Variants in MEGF6 observed in about 807,000 individuals in gnomAD.
MEGF6 encodes the protein multiple epidermal growth factor-like domains protein 6.
Under a neutral mutation model 207.1 loss-of-function variants are expected in MEGF6, and 184 were observed. The ratio of observed to expected loss-of-function variants is 0.89; its 90% CI spans 0.79 to 1.00. The LOEUF is 1.00. MEGF6 is among the 50% of genes least tolerant of loss of function. The pLI, the probability that MEGF6 is intolerant of heterozygous loss-of-function variation, is 0.00. For missense variants in MEGF6, 2,282 were observed against 2,202.9 expected (o/e 1.04, Z -0.72); for synonymous variants, 1,038 against 910.0 (o/e 1.14, Z -2.53).
intron 4 of MEGF6, among the ~76,000 whole-genome samples, chr1:3,569,169 CA>C (rs1034660828): frequency 1.2e-4 from 19 of 152,238 alleles, no homozygotes; most frequent in Admixed American, 1.1e-3. Context: ...GCCGCCTGTT[CA>C]GGGGGGGAGA....
chr1:3,509,054 G>A (rs756930639), intron 12 of MEGF6, 21 bp downstream of exon 12: 21 of 1,525,438 alleles, frequency 1.4e-5, no homozygotes, highest in African/African-American at 5.6e-5. Context: ...AGGAGCCCCC[G>A]GGGGCTGGGC....
intron 3 of MEGF6, among the ~76,000 whole-genome samples, chr1:3,580,720 G>A (rs1030077279): frequency 6.2e-5 from 9 of 144,304 alleles, no homozygotes; most frequent in Non-Finnish European, 9.2e-5. Flanking sequence ...TACCCTGCAC[G>A]TTACTACTTG....
chr1:3,494,677 C>G lies in MEGF6; in HGVS notation c.3936G>C (p.Leu1312=). Residue 1312 remains leucine, a synonymous_variant, in exon 31 of 37, where the codon CTG becomes CTC. Transcript: ENST00000356575. ...AGCAGCTGCCGTTGCTGGCGTGGCA[C>G]AGGCCCCCATTTCTGCAGGAGCAGG... ...EHTCSCRNGG[L]CHASNGSCSC... is the part of the protein sequence containing the mutation. 1 of 1,572,480 alleles carries G rather than the reference C, an allele frequency of 6.4e-7. No homozygotes were observed. Among genetic ancestry groups the G allele is most frequent in the Non-Finnish European group, 8.6e-7 (1 of 1,160,176 alleles).
At chr1:3,614,679 C>T (rs1644363907), upstream of MEGF6, among the ~76,000 whole-genome samples, 1 of 152,222 alleles carries the variant, frequency 6.6e-6, no homozygotes, top group South Asian at 2.1e-4. Flanking sequence ...CCCTCCATTG[C>T]TTAGAAGTAA....
intron 4 of MEGF6, among the ~76,000 whole-genome samples, chr1:3,530,419 C>T (rs1272053286): frequency 6.6e-6 from 1 of 152,212 alleles, no homozygotes; most frequent in Non-Finnish European, 1.5e-5. Context: ...CCCACACTCC[C>T]TCCTCCAATT....
chr1:3,494,880 G>A (rs1569930000), intron 30 of MEGF6, 139 bp from the exon 31 acceptor site: 4 of 1,313,218 alleles, frequency 3.0e-6, no homozygotes, highest in East Asian at 5.2e-5. Context: ...TGCTGGGCGG[G>A]CACATGCCAG....
At chr1:3,537,229 C>T (rs539266482) in intron 4 of MEGF6, among the ~76,000 whole-genome samples, 7 of 152,368 alleles carry the variant, frequency 4.6e-5, no homozygotes, top group Non-Finnish European at 8.8e-5. Flanking sequence ...ACCTCCTCAG[C>T]GGGCAATCTC....
chr1:3,497,136 A>T lies in MEGF6; in HGVS notation c.3482-17T>A, dbSNP rs149022131. The T allele has an allele frequency of 1.8e-3, 2,886 of 1,568,278 alleles. 54 individuals carry two copies. In the African/African-American group the frequency reaches 0.036, roughly 19 times the overall value. On this transcript the variant is annotated splice_polypyrimidine_tract_variant and intron_variant, in intron 27 of 36. Coordinates refer to ENST00000356575, the MANE Select transcript of MEGF6 (RefSeq NM_001409.4). Reference sequence around the variant, plus strand: ...GTGGGCAGGCTGGGTGGAGACAGGCAGGGTCGGTCCTGGCCCAGCCCCGCC... The same window carrying T: ...GTGGGCAGGCTGGGTGGAGACAGGCTGGGTCGGTCCTGGCCCAGCCCCGCC...
intron 4 of MEGF6, among the ~76,000 whole-genome samples, chr1:3,576,848 G>A (rs1401585530): frequency 7.0e-6 from 1 of 143,132 alleles, no homozygotes; most frequent in Non-Finnish European, 1.5e-5. Context: ...ACTCCATCCT[G>A]CATGCCCAGC....
At chr1:3,509,838 G>A (rs1021839445) in intron 11 of MEGF6, 32 bp downstream of exon 11, 1 of 1,527,676 alleles carries the variant, frequency 6.5e-7, no homozygotes. Context: ...AGAAGGCAGA[G>A]GCCGGTGCTC....
At chr1:3,555,923 C>G (rs1490272049) in intron 4 of MEGF6, among the ~76,000 whole-genome samples, 3 of 152,258 alleles carry the variant, frequency 2.0e-5, no homozygotes, top group Non-Finnish European at 4.4e-5. Flanking sequence ...CTCAAGCTGT[C>G]CCATCATCTC....
intron 30 of MEGF6, among the ~76,000 whole-genome samples, chr1:3,495,515 CAGA>C (rs1328959364): frequency 6.6e-6 from 1 of 152,220 alleles, no homozygotes; most frequent in African/African-American, 2.4e-5. Flanking sequence ...CAGAAAGGGC[CAGA>C]AGGACTCCAC....
intron 5 of MEGF6, among the ~76,000 whole-genome samples, chr1:3,520,993 C>A (rs1570038104): frequency 6.6e-6 from 1 of 152,168 alleles, no homozygotes; most frequent in Non-Finnish European, 1.5e-5. Flanking sequence ...TAGGCAGCTT[C>A]TCCACCAGCC....
chr1:3,555,214 T>C lies in MEGF6; in HGVS notation c.481+24611A>G, dbSNP rs147294701. On this transcript the variant is annotated intron_variant, in intron 4 of 36. Coordinates refer to ENST00000356575, the MANE Select transcript of MEGF6 (RefSeq NM_001409.4). ...GGATCAGGGCCGAGAAGGGGCCTCT[T>C]CTGCCCAAAAAGACAGCAAGCAGGA... Among the ~76,000 whole-genome samples the C allele has an allele frequency of 2.5e-3, 301 of 119,630 alleles. 1 individual carries two copies. The highest frequency in any genetic ancestry group is 9.0e-3 in the African/African-American group (282 of 31,384). The allele number at this position is 119,630 out of a possible 152,430, so 78.5% of individuals were successfully genotyped here. A position where few individuals can be genotyped will look rare whatever the true frequency, so the allele number is the denominator to read the frequency against.
chr1:3,521,726 C>T (rs1051773395), intron 5 of MEGF6, among the ~76,000 whole-genome samples: 10 of 152,310 alleles, frequency 6.6e-5, no homozygotes, highest in African/African-American at 2.2e-4. Context: ...CCCGGGAGAC[C>T]GAGGAACCGG....
intron 14 of MEGF6, among the ~76,000 whole-genome samples, chr1:3,506,977 G>A (rs971853267): frequency 1.3e-5 from 2 of 152,244 alleles, no homozygotes; most frequent in South Asian, 4.1e-4. Flanking sequence ...GGTACAGCAC[G>A]ATCCCAGGGG....
intron 4 of MEGF6, among the ~76,000 whole-genome samples, chr1:3,546,714 A>C (rs1265165357): frequency 2.5e-5 from 2 of 80,174 alleles, no homozygotes; most frequent in African/African-American, 4.9e-5. Flanking sequence ...GCCAAGGAGG[A>C]CGCCAAGGCG....
intron 34 of MEGF6, 81 bp from the exon 35 acceptor site, chr1:3,492,848 C>T (rs754853171): frequency 4.0e-5 from 62 of 1,536,050 alleles, no homozygotes; most frequent in Non-Finnish European, 4.7e-5. Context: ...CCTAGGGGCC[C>T]GCGGCAGAGC....
intron 4 of MEGF6, among the ~76,000 whole-genome samples, chr1:3,563,734 A>AAGG (rs1643269439): frequency 6.6e-6 from 1 of 152,184 alleles, no homozygotes; most frequent in Non-Finnish European, 1.5e-5. Flanking sequence ...TGTTTGAATT[A>AAGG]AGGAGGCCCT....
Sources: allele counts gnomAD v4.1 joint callset (sites outside exome capture counted in the v4.1 genomes callset), GRCh38; gene constraint gnomAD v4.1.1; transcripts MANE v1.5; gene names NCBI Gene and HGNC (gene_info 2026-07-23, HGNC 2026-07-21).